TUBGCP6: variants seen among roughly 807,000 people sequenced by gnomAD.
TUBGCP6 encodes the protein gamma-tubulin complex component 6.
In TUBGCP6, 161 loss-of-function variants were observed where a neutral mutation model predicts 175.8. The ratio of observed to expected loss-of-function variants is 0.92; its 90% CI spans 0.81 to 1.04. The LOEUF (loss-of-function observed/expected upper bound fraction) is 1.04, where lower values mean the gene tolerates loss of function less well. TUBGCP6 is among the 50% of genes least tolerant of loss of function. TUBGCP6 has a pLI of 0.00. For missense variants in TUBGCP6, 2,572 were observed against 2,433.0 expected, an observed-to-expected ratio of 1.06 and a Z score of -1.20; for synonymous variants, 1,173 against 1,030.5, an observed-to-expected ratio of 1.14 and a Z score of -2.65.
Position 50,219,853 on chromosome 22 carries a change from T to C in TUBGCP6, c.4168-62A>G, listed in dbSNP as rs1264711848. 9.4e-6 allele frequency: 15 copies of C among 1,603,002 alleles called. No individual in the cohort carries two copies. The African/African-American group carries it at 1.1e-4, about 11-fold the overall frequency. Reference sequence around the variant, plus strand: ...GCACGCTGTCCCCACAACCAGCTTGTGCCAAAAAAAGGAAAATCGCATGTG... The same window carrying C: ...GCACGCTGTCCCCACAACCAGCTTGCGCCAAAAAAAGGAAAATCGCATGTG... On this transcript the variant is annotated intron_variant, in intron 17 of 24. Coordinates refer to ENST00000248846, the MANE Select transcript of TUBGCP6 (RefSeq NM_020461.4).
intron 10 of TUBGCP6, among the ~76,000 whole-genome samples, chr22:50,225,351 T>C (rs1263605939): frequency 6.6e-6 from 1 of 151,584 alleles, no homozygotes; most frequent in East Asian, 1.9e-4. Context: ...AGGAGAGGCG[T>C]GGCCCGTCCC....
chr22:50,231,458 AG>A (rs1206159085), intron 3 of TUBGCP6, among the ~76,000 whole-genome samples: 2 of 151,544 alleles, frequency 1.3e-5, no homozygotes, highest in African/African-American at 2.4e-5. Context: ...CGTCTCAAAA[AG>A]AAAAAAAAAA....
intron 15 of TUBGCP6, 28 bp from the exon 16 acceptor site, chr22:50,221,902 T>G: frequency 6.5e-7 from 1 of 1,536,102 alleles, no homozygotes. Context: ...TCAGACCCAG[T>G]CTGGTCTCAG....
At position 50,243,983 on chromosome 22, in the gene TUBGCP6, G is replaced by A. The variant is rs1370243086; in HGVS notation, c.477C>T (p.Asp159=). 3.1e-6 allele frequency: 5 copies of A among 1,614,030 alleles called. No homozygotes were observed. The highest frequency in any genetic ancestry group is 1.3e-5 in the African/African-American group (1 of 74,928). ...CTTCTCTGGAGATCAGAGACTGAACGTCCATCTCAAACACACTCAGGTCGT... is the reference window on the plus strand; with the variant it reads ...CTTCTCTGGAGATCAGAGACTGAACATCCATCTCAAACACACTCAGGTCGT... ...DCDDLSVFEM[D]VQSLISREEC... is the part of the protein sequence containing the mutation. Residue 159 remains aspartate (D), a synonymous_variant, in exon 1 of 25, where the codon GAC becomes GAT. Coordinates refer to ENST00000248846, the MANE Select transcript of TUBGCP6 (RefSeq NM_020461.4).
At chr22:50,240,081 G>A (rs1252446252) in intron 2 of TUBGCP6, 123 bp downstream of exon 2, 2 of 1,357,058 alleles carry the variant, frequency 1.5e-6, no homozygotes, top group East Asian at 2.5e-5. Flanking sequence ...CACTAGCTTA[G>A]GTTACTAACC....
rs1348466944 is a variant in TUBGCP6 at position 50,218,091 on chromosome 22, G to A, written c.5195C>T (p.Pro1732Leu). The A allele has an allele frequency of 7.4e-6, 12 of 1,612,950 alleles. No homozygotes were observed. The South Asian group carries it at 9.9e-5, about 13-fold the overall frequency. ...GATGCTGTGGATGACGTTCATGACGGGCGCCGCCTTCTCCGTGAGCAGGCC... is the reference window on the plus strand; with the variant it reads ...GATGCTGTGGATGACGTTCATGACGAGCGCCGCCTTCTCCGTGAGCAGGCC... ...FRGLLTEKAAPVMNVIHSIFS... is the reference protein window; with the variant it reads ...FRGLLTEKAALVMNVIHSIFS... Residue 1732 changes from proline to leucine, a missense_variant, in exon 24 of 25, where the codon CCC (proline) becomes CTC (leucine). By Grantham distance (98) the Pro-to-Leu change is moderately conservative (BLOSUM62 -3). Transcript: ENST00000248846.
chr22:50,217,742 G>A lies in TUBGCP6; in HGVS notation c.5454C>T (p.Asp1818=), dbSNP rs760396776. The A allele has an allele frequency of 2.0e-5, 33 of 1,613,940 alleles. No homozygotes were observed. Among genetic ancestry groups the A allele is most frequent in the Admixed American group, 1.5e-4 (9 of 59,994 alleles). ...CGTCCCCCGCAGAGCAGCCTCAGGC[G>A]TCCTGGTAGTAGTTGTTGAAGTTGA... The part of the protein sequence containing the change: ...LRINFNNYYQ[D]A Residue 1818 remains aspartate (D), a synonymous_variant, in exon 25 of 25, where the codon GAC becomes GAT. Transcript: ENST00000248846.
intron 1 of TUBGCP6, among the ~76,000 whole-genome samples, chr22:50,241,263 T>G (rs750181551): frequency 2.0e-5 from 3 of 152,172 alleles, no homozygotes; most frequent in Non-Finnish European, 4.4e-5. Flanking sequence ...CCTTCTGTCA[T>G]GCCCAGACAG....
intron 10 of TUBGCP6, among the ~76,000 whole-genome samples, chr22:50,225,430 G>C (rs1052040230): frequency 6.6e-6 from 1 of 152,170 alleles, no homozygotes; most frequent in Non-Finnish European, 1.5e-5. Context: ...GTGCAGCCAG[G>C]ACTGTCTGTC....
chr22:50,219,347 G>A lies in TUBGCP6; in HGVS notation c.4425C>T (p.Ser1475=), dbSNP rs369745942. The A allele has an allele frequency of 1.3e-5, 20 of 1,594,190 alleles. No individual in the cohort carries two copies. The highest frequency in any genetic ancestry group is 5.4e-5 in the Admixed American group (3 of 55,306). ...SAADETAVQL[S]ELLTLPVLMK... ...TGAGCACGGGCAGCGTCAGCAACTC[G>A]CTCAGCTGCACAGCAGTCTCATCAG... The change falls in exon 19 of 25, where the codon AGC becomes AGT. Residue 1475 remains serine, a synonymous_variant. Transcript: ENST00000248846.
In TUBGCP6 at chr22:50,217,763, G is replaced by A. The variant is rs189757808; in HGVS notation, c.5433C>T (p.Asn1811=). 3.0e-5 allele frequency: 49 copies of A among 1,614,082 alleles called. No individual in the cohort carries two copies. In the East Asian group the frequency reaches 1.0e-3, roughly 34 times the overall value. The change falls in exon 25 of 25, where the codon AAC becomes AAT. Residue 1811 remains asparagine (N), a synonymous_variant. Coordinates refer to ENST00000248846, the MANE Select transcript of TUBGCP6 (RefSeq NM_020461.4). ...PHLEDFLLRI[N]FNNYYQDA ...AGGCGTCCTGGTAGTAGTTGTTGAAGTTGATGCGCAGCAGAAAGTCCTCCA... is the reference window on the plus strand; with the variant it reads ...AGGCGTCCTGGTAGTAGTTGTTGAAATTGATGCGCAGCAGAAAGTCCTCCA...
intron 5 of TUBGCP6, among the ~76,000 whole-genome samples, chr22:50,227,502 C>G (rs888915603): frequency 6.6e-5 from 10 of 152,360 alleles, no homozygotes; most frequent in African/African-American, 2.4e-4. Context: ...CGCTGCCACA[C>G]TCTGCTCCTC....
chr22:50,229,689 G>C (rs771054405), intron 3 of TUBGCP6, 112 bp from the exon 4 acceptor site: 19 of 1,130,120 alleles, frequency 1.7e-5, no homozygotes, highest in Admixed American at 5.3e-5. Flanking sequence ...AGTGCCTCCA[G>C]GACCCAAAAG....
intron 3 of TUBGCP6, among the ~76,000 whole-genome samples, chr22:50,230,497 C>T (rs1412857267): frequency 2.0e-5 from 3 of 151,546 alleles, no homozygotes; most frequent in Admixed American, 6.6e-5. Context: ...GTCCCAGCTA[C>T]GCAGGAGGCT....
intron 2 of TUBGCP6, among the ~76,000 whole-genome samples, chr22:50,233,876 T>A (rs983016085): frequency 9.2e-5 from 14 of 152,028 alleles, no homozygotes; most frequent in African/African-American, 2.9e-4. Flanking sequence ...ACTCATAAAG[T>A]ATTCTTCTGT....
rs199819496 is a variant in TUBGCP6 at position 50,219,188 on chromosome 22, G to T, written c.4506C>A (p.Ala1502=). 2.2e-5 allele frequency: 35 copies of T among 1,611,464 alleles called. No homozygotes were observed. In the East Asian group the frequency reaches 7.3e-4, roughly 34 times the overall value. ...GCTCCACGAAGAAGTAGTCGACAGC[G>T]GCCTTGTTCACCAAGGAGATGCTGG... ...LAAHISLVNK[A]AVDYFFVELH... The change falls in exon 20 of 25, where the codon GCC becomes GCA. Residue 1502 remains alanine (A), a synonymous_variant. Coordinates refer to ENST00000248846, the MANE Select transcript of TUBGCP6 (RefSeq NM_020461.4).
chr22:50,220,007 T>A lies in TUBGCP6; in HGVS notation c.4117A>T (p.Arg1373Trp), dbSNP rs748720012. ...GAGAGGTCCTCAGTGTCCCCGCTCC[T>A]CCCAGGGCCTGTGTGGACACAAGTG... is the stretch of plus-strand genomic sequence containing the variant. ...DSVSEELGPGRSGDTEDLSPN... is the reference protein window; with the variant it reads ...DSVSEELGPGWSGDTEDLSPN... Residue 1373 changes from arginine to tryptophan, a missense_variant, in exon 17 of 25, where the codon AGG (arginine) becomes TGG (tryptophan). Coordinates refer to ENST00000248846, the MANE Select transcript of TUBGCP6 (RefSeq NM_020461.4). 1.2e-5 allele frequency: 19 copies of A among 1,613,408 alleles called. No homozygotes were observed. In the Admixed American group the frequency reaches 3.2e-4, roughly 27 times the overall value.
In TUBGCP6 at chr22:50,217,800, T is replaced by C. The variant is rs2064439997; in HGVS notation, c.5396A>G (p.Tyr1799Cys). 1 of 1,613,802 alleles carries C rather than the reference T, an allele frequency of 6.2e-7. No individual in the cohort carries two copies. The highest frequency in any genetic ancestry group is 1.3e-5 in the African/African-American group (1 of 74,898). The change falls in exon 25 of 25, where the codon TAC becomes TGC. Residue 1799 changes from tyrosine (Y) to cysteine (C), a missense_variant. Physicochemically the swap from Tyr to Cys is radical, Grantham distance 194 (BLOSUM62 -2). Coordinates refer to ENST00000248846, the MANE Select transcript of TUBGCP6 (RefSeq NM_020461.4). ...CAGAAAGTCCTCCAGGTGGGGCTGG[T>C]AGCCGCGGTTCACCAGCTTGGTCAC... ...KVVTKLVNRGYQPHLEDFLLR... is the reference protein window; with the variant it reads ...KVVTKLVNRGCQPHLEDFLLR...
At chr22:50,240,389 A>C (rs756385014) in intron 1 of TUBGCP6, 22 bp from the exon 2 acceptor site, 33 of 1,613,328 alleles carry the variant, frequency 2.0e-5, no homozygotes, top group Non-Finnish European at 2.7e-5. Flanking sequence ...GGGAAGGGCA[A>C]ACCGCCACTT....
Sources: allele counts gnomAD v4.1 joint callset (sites outside exome capture counted in the v4.1 genomes callset), GRCh38; gene constraint gnomAD v4.1.1; transcripts MANE v1.5; gene names NCBI Gene and HGNC (gene_info 2026-07-23, HGNC 2026-07-21).